The following EXOC4 variants were observed in gnomAD, a reference collection of about 807,000 sequenced individuals.
EXOC4 encodes exocyst complex component 4.
EXOC4 carries 71 observed loss-of-function variants against 107.2 expected under a neutral mutation model. The observed-to-expected ratio is 0.66, with a 90% CI of 0.55 to 0.81. The LOEUF (loss-of-function observed/expected upper bound fraction) is 0.81. Ranked by LOEUF, EXOC4 falls within the 30% of genes least tolerant of loss-of-function variation. The probability of loss-of-function intolerance (pLI) is 0.00; values close to 1 mark genes in which losing one functional copy is unlikely to be tolerated. For synonymous variants in EXOC4, 456 were observed against 441.2 expected (o/e 1.03, Z -0.42); for missense variants, 1,108 against 1,189.6 (o/e 0.93, Z 1.01).
intron 17 of EXOC4, among the ~76,000 whole-genome samples, chr7:134,042,457 A>C (rs1795541551): frequency 6.7e-6 from 1 of 150,374 alleles, no homozygotes; most frequent in Admixed American, 6.7e-5. Context: ...TTGCAGATTG[A>C]GTGACACAGA....
At chr7:133,684,126 G>T (rs1794244637) in intron 10 of EXOC4, among the ~76,000 whole-genome samples, 1 of 152,068 alleles carries the variant, frequency 6.6e-6, no homozygotes, top group African/African-American at 2.4e-5. Context: ...ACTATAACTC[G>T]TAGATCCTAC....
chr7:133,323,495 T>G (rs1001957627), intron 5 of EXOC4, among the ~76,000 whole-genome samples: 2 of 152,190 alleles, frequency 1.3e-5, no homozygotes, highest in Admixed American at 6.5e-5. Context: ...TTGGTTCTGT[T>G]TATATGCTGG....
chr7:133,387,817 A>G (rs1796761506), intron 7 of EXOC4, among the ~76,000 whole-genome samples: 1 of 152,212 alleles, frequency 6.6e-6, no homozygotes, highest in Non-Finnish European at 1.5e-5. Context: ...TTCAGTCTGA[A>G]CACAAGTACT....
intron 17 of EXOC4, among the ~76,000 whole-genome samples, chr7:134,055,921 A>G (rs1795910025): frequency 6.6e-6 from 1 of 152,232 alleles, no homozygotes; most frequent in Non-Finnish European, 1.5e-5. Context: ...AGAGTTTCCT[A>G]AGCATTAGTA....
At chr7:133,785,687 T>C (rs1270221100) in intron 10 of EXOC4, among the ~76,000 whole-genome samples, 1 of 152,006 alleles carries the variant, frequency 6.6e-6, no homozygotes, top group Admixed American at 6.6e-5. Flanking sequence ...TTTTTGTTTT[T>C]TTTGAGACGG....
At chr7:133,900,859 T>C (rs6954537) in intron 12 of EXOC4, among the ~76,000 whole-genome samples, 94,208 of 152,026 alleles carry the variant, frequency 0.62, 31,622 homozygotes, top group African/African-American at 0.89. Context: ...CTCACATTTA[T>C]CCATTAAATT....
intron 10 of EXOC4, among the ~76,000 whole-genome samples, chr7:133,749,975 T>C (rs937045243): frequency 7.5e-5 from 11 of 147,514 alleles, no homozygotes; most frequent in Non-Finnish European, 1.6e-4. Context: ...TTTTTTTTTT[T>C]TTTTTTTTTT....
At chr7:133,988,988 A>G (rs887737821) in intron 14 of EXOC4, among the ~76,000 whole-genome samples, 1 of 152,194 alleles carries the variant, frequency 6.6e-6, no homozygotes, top group African/African-American at 2.4e-5. Context: ...TCTGACTCAT[A>G]TTTAATTAGA....
At chr7:133,276,651 TC>T (rs1174037576) in intron 2 of EXOC4, among the ~76,000 whole-genome samples, 2 of 152,016 alleles carry the variant, frequency 1.3e-5, no homozygotes, top group Non-Finnish European at 2.9e-5. Context: ...CATACTTGGT[TC>T]CCCCCACCAC....
At chr7:133,767,226 A>G (rs769706410) in intron 10 of EXOC4, among the ~76,000 whole-genome samples, 18 of 151,858 alleles carry the variant, frequency 1.2e-4, no homozygotes, top group Non-Finnish European at 2.4e-4. Context: ...TTTCTTTTCT[A>G]TCACAAGAGC....
At chr7:134,057,143 C>T (rs534427846) in intron 17 of EXOC4, among the ~76,000 whole-genome samples, 39 of 152,132 alleles carry the variant, frequency 2.6e-4, no homozygotes, top group Non-Finnish European at 4.9e-4. Context: ...AGGGTAGGTG[C>T]GTGCATGTGT....
chr7:133,860,788 T>G (rs907538759), intron 11 of EXOC4, among the ~76,000 whole-genome samples: 1 of 152,162 alleles, frequency 6.6e-6, no homozygotes, highest in African/African-American at 2.4e-5. Context: ...CCTCTAAAAC[T>G]TTAAAAGCAA....
At chr7:133,800,803 G>A (rs772356244) in intron 10 of EXOC4, among the ~76,000 whole-genome samples, 1 of 152,128 alleles carries the variant, frequency 6.6e-6, no homozygotes, top group African/African-American at 2.4e-5. Flanking sequence ...CTCCAATAAC[G>A]ATACTATAAA....
intron 9 of EXOC4, among the ~76,000 whole-genome samples, chr7:133,493,434 C>T (rs373916943): frequency 2.0e-5 from 3 of 152,132 alleles, no homozygotes; most frequent in African/African-American, 7.2e-5. Context: ...GATACTCTGT[C>T]TCAAAGCAAA....
intron 10 of EXOC4, among the ~76,000 whole-genome samples, chr7:133,714,235 C>T (rs1044005408): frequency 2.0e-5 from 3 of 152,200 alleles, no homozygotes; most frequent in Non-Finnish European, 4.4e-5. Context: ...CAGCTGGAGC[C>T]ACAGTTCACC....
chr7:133,579,822 G>A (rs1474991112), intron 9 of EXOC4, among the ~76,000 whole-genome samples: 2 of 152,038 alleles, frequency 1.3e-5, no homozygotes, highest in Non-Finnish European at 2.9e-5. Context: ...GAGTAGCTGG[G>A]ACTACAGGCA....
At chr7:133,975,930 C>T (rs896944820) in intron 14 of EXOC4, among the ~76,000 whole-genome samples, 2 of 152,086 alleles carry the variant, frequency 1.3e-5, no homozygotes, top group African/African-American at 4.8e-5. Context: ...GCCTTCACAG[C>T]CTGTGCTTTT....
At chr7:134,007,150 A>G (rs1261607817) in intron 16 of EXOC4, among the ~76,000 whole-genome samples, 2 of 152,134 alleles carry the variant, frequency 1.3e-5, no homozygotes, top group Non-Finnish European at 2.9e-5. Context: ...TTTATTTTTT[A>G]CTTGGCAATG....
At chr7:133,445,267 TA>T (rs1798192717) in intron 7 of EXOC4, among the ~76,000 whole-genome samples, 1 of 152,226 alleles carries the variant, frequency 6.6e-6, no homozygotes, top group African/African-American at 2.4e-5. Context: ...TCTTTCTTAG[TA>T]AATATTGTAT....
Sources: gnomAD v4.1 joint callset for allele counts (sites outside exome capture counted in the v4.1 genomes callset) on GRCh38, gnomAD v4.1.1 for gene constraint, MANE v1.5 for transcripts, NCBI Gene and HGNC (gene_info 2026-07-23, HGNC 2026-07-21) for gene names.